Variants in SLC44A5 observed in about 807,000 individuals in gnomAD.
The protein encoded by SLC44A5 is choline transporter-like protein 5.
Under a neutral mutation model 101.8 loss-of-function variants are expected in SLC44A5, and 57 were observed. The ratio of observed to expected loss-of-function variants is 0.56; its 90% CI spans 0.45 to 0.70. The LOEUF (loss-of-function observed/expected upper bound fraction) is 0.70. Among genes scored for constraint, SLC44A5 ranks in the 30% least tolerant of loss-of-function variants. SLC44A5 has a pLI of 0.00. For synonymous variants in SLC44A5, 281 were observed against 290.9 expected (o/e 0.97, Z 0.35); for missense variants, 737 against 853.1 (o/e 0.86, Z 1.70).
intron 2 of SLC44A5, among the ~76,000 whole-genome samples, chr1:75,459,198 A>G (rs1666356879): frequency 6.6e-6 from 1 of 152,204 alleles, no homozygotes; most frequent in African/African-American, 2.4e-5. Flanking sequence ...ACAAGGAAGA[A>G]CCATCTCTCC....
rs1178054627 is a variant in SLC44A5 at position 75,203,617 on chromosome 1, G to A, written c.*110C>T. The A allele has an allele frequency of 6.1e-6, 8 of 1,311,902 alleles. No homozygotes were observed. The highest frequency in any genetic ancestry group is 8.1e-6 in the Non-Finnish European group (8 of 984,492). 81.3% of individuals were successfully genotyped at this position (1,311,902 alleles called of 1,614,324 possible). A position where few individuals can be genotyped will look rare whatever the true frequency, so the allele number is the denominator to read the frequency against. On this transcript the variant is annotated 3_prime_UTR_variant, in exon 24 of 24. Transcript: ENST00000370859. ...AAACATGCAAATGCAAGCCAACAAG[G>A]TCGTGAATACAGTGTTGCTAAACAC...
intron 1 of SLC44A5, among the ~76,000 whole-genome samples, chr1:75,596,540 T>C (rs1674646671): frequency 1.3e-5 from 2 of 152,066 alleles, no homozygotes; most frequent in African/African-American, 2.4e-5. Context: ...TGAACATCCA[T>C]GCAAAAATCC....
intron 3 of SLC44A5, among the ~76,000 whole-genome samples, chr1:75,346,614 T>A (rs1237776319): frequency 6.6e-6 from 1 of 152,120 alleles, no homozygotes; most frequent in East Asian, 1.9e-4. Context: ...TAATCACACA[T>A]CATCTCAGAA....
rs189313465 is a variant in SLC44A5, at chr1:75,524,762, T to A, written c.13+16673A>T. Among the ~76,000 whole-genome samples the A allele has an allele frequency of 1.3e-3, 196 of 152,284 alleles. 1 individual carries two copies. The highest frequency in any genetic ancestry group is 4.6e-3 in the African/African-American group (191 of 41,562). On this transcript the variant is annotated intron_variant, in intron 2 of 23. Coordinates refer to ENST00000370859, the MANE Select transcript of SLC44A5 (RefSeq NM_001130058.2). Reference sequence around the variant, plus strand: ...ATTGTAAAGTGTTAATAATGTATTTTATATATCCAGCCCTTTATAAGGCTA... The same window carrying A: ...ATTGTAAAGTGTTAATAATGTATTTAATATATCCAGCCCTTTATAAGGCTA...
chr1:75,225,577 ATGT>A (rs1235495135), intron 13 of SLC44A5, among the ~76,000 whole-genome samples: 1 of 152,186 alleles, frequency 6.6e-6, no homozygotes, highest in African/African-American at 2.4e-5. Context: ...AATAGCAGAG[ATGT>A]GAATAGAACC....
In SLC44A5 at chr1:75,461,474, T is replaced by C. The variant is rs549124256; in HGVS notation, c.14-64853A>G. ...TTATGAGTGGTGTGTCTCAGGACAT[T>C]AGATATATTTAATTGTGTTTTGAGG... On this transcript the variant is annotated intron_variant, in intron 2 of 23. Coordinates refer to ENST00000370859, the MANE Select transcript of SLC44A5 (RefSeq NM_001130058.2). Among the ~76,000 whole-genome samples the C allele has an allele frequency of 2.6e-5, 4 of 152,266 alleles. No individual in the cohort carries two copies. The East Asian group carries it at 7.7e-4, about 29-fold the overall frequency.
intron 2 of SLC44A5, among the ~76,000 whole-genome samples, chr1:75,435,878 C>T (rs1664860405): frequency 6.6e-6 from 1 of 152,084 alleles, no homozygotes; most frequent in Non-Finnish European, 1.5e-5. Context: ...CATACACACA[C>T]ATATACACAC....
the SLC44A5 span, among the ~76,000 whole-genome samples, chr1:75,635,677 GGAATAGCATTAGGA>G: frequency 1.2e-4 from 16 of 131,880 alleles, no homozygotes; most frequent in Admixed American, 1.0e-3. Context: ...GAGGGGGGGA[GGAATAGCATTAGGA>G]GATACACCTA....
At position 75,376,014 on chromosome 1, in the gene SLC44A5, G is replaced by A. The variant is rs188754255; in HGVS notation, c.52+20569C>T. 2.3e-3 allele frequency among the ~76,000 whole-genome samples: 345 copies of A among 152,350 alleles called. 1 individual carries two copies. Among genetic ancestry groups the A allele is most frequent in the African/African-American group, 7.6e-3 (317 of 41,594 alleles). ...GCGAGCCGAAGCAGGGCGAGGCATT[G>A]CCTCACTTGGGAAGTGCAAGGGGTC... is the stretch of plus-strand genomic sequence containing the variant. On this transcript the variant is annotated intron_variant, in intron 3 of 23. Transcript: ENST00000370859.
At chr1:75,415,481 G>T (rs377080538) in intron 2 of SLC44A5, among the ~76,000 whole-genome samples, 1 of 152,168 alleles carries the variant, frequency 6.6e-6, no homozygotes, top group East Asian at 1.9e-4. Context: ...CCAGTCTCAG[G>T]TATGTCTTTA....
intron 3 of SLC44A5, among the ~76,000 whole-genome samples, chr1:75,341,496 A>G (rs1657875117): frequency 6.6e-6 from 1 of 152,078 alleles, no homozygotes; most frequent in Non-Finnish European, 1.5e-5. Context: ...GAAAAGAAAG[A>G]GAAAGGAAGG....
chr1:75,575,187 G>A (rs1266872274), intron 1 of SLC44A5, among the ~76,000 whole-genome samples: 1 of 151,980 alleles, frequency 6.6e-6, no homozygotes, highest in Non-Finnish European at 1.5e-5. Flanking sequence ...ACATACTTTC[G>A]ATGCAGCCTA....
At chr1:75,480,251 C>T (rs1200631493) in intron 2 of SLC44A5, among the ~76,000 whole-genome samples, 2 of 152,094 alleles carry the variant, frequency 1.3e-5, no homozygotes, top group African/African-American at 4.8e-5. Context: ...TGGGACATAT[C>T]TCAAAATAAT....
At chr1:75,668,137 C>T in the SLC44A5 span, among the ~76,000 whole-genome samples, 15 of 152,118 alleles carry the variant, frequency 9.9e-5, no homozygotes, top group East Asian at 1.9e-3. Context: ...AAGACAACAA[C>T]GGAATTACCT....
At chr1:75,644,595 A>T in the SLC44A5 span, among the ~76,000 whole-genome samples, 1 of 151,532 alleles carries the variant, frequency 6.6e-6, no homozygotes, top group Non-Finnish European at 1.5e-5. Flanking sequence ...ATTAACAACA[A>T]AAAAAAGCCT....
At chr1:75,672,879 G>A in the SLC44A5 span, among the ~76,000 whole-genome samples, 6 of 152,040 alleles carry the variant, frequency 3.9e-5, no homozygotes, top group Admixed American at 1.3e-4. Flanking sequence ...GCCTTGAAGG[G>A]AAGGACTCAG....
chr1:75,544,846 C>T (rs192375915), intron 1 of SLC44A5, among the ~76,000 whole-genome samples: 3 of 151,952 alleles, frequency 2.0e-5, no homozygotes, highest in African/African-American at 7.3e-5. Context: ...TTCATGACAT[C>T]GAAATTATTC....
chr1:75,466,744 T>C (rs1170788144), intron 2 of SLC44A5, among the ~76,000 whole-genome samples: 1 of 151,316 alleles, frequency 6.6e-6, no homozygotes, highest in Non-Finnish European at 1.5e-5. Context: ...TCATACTGAA[T>C]GGGGAAAAAC....
At chr1:75,337,202 C>T (rs556719339) in intron 4 of SLC44A5, among the ~76,000 whole-genome samples, 52 of 152,166 alleles carry the variant, frequency 3.4e-4, no homozygotes, top group Non-Finnish European at 4.3e-4. Flanking sequence ...TTCTTTCCTT[C>T]ACTCCTTAAA....
Sources: gnomAD v4.1 joint callset for allele counts (sites outside exome capture counted in the v4.1 genomes callset) on GRCh38, gnomAD v4.1.1 for gene constraint, MANE v1.5 for transcripts, NCBI Gene and HGNC (gene_info 2026-07-23, HGNC 2026-07-21) for gene names.